Variants in SF3A1 observed in about 807,000 individuals in gnomAD.
SF3A1 encodes splicing factor 3a subunit 1.
Under a neutral mutation model 89.9 loss-of-function variants are expected in SF3A1, and 13 were observed. The ratio of observed to expected loss-of-function variants is 0.14; its 90% CI spans 0.09 to 0.23. The LOEUF (loss-of-function observed/expected upper bound fraction) is 0.23, where lower values mean the gene tolerates loss of function less well. Among genes scored for constraint, SF3A1 ranks in the 10% least tolerant of loss-of-function variants. SF3A1 has a pLI of 1.00. For synonymous variants in SF3A1, 405 were observed against 374.4 expected (o/e 1.08, Z -0.94); for missense variants, 604 against 1,022.1 (o/e 0.59, Z 5.58).
intron 2 of SF3A1, among the ~76,000 whole-genome samples, chr22:30,351,106 C>T (rs1457785671): frequency 1.3e-5 from 2 of 152,218 alleles, no homozygotes; most frequent in African/African-American, 2.4e-5. Flanking sequence ...TGAGACCAGC[C>T]TGGCCAACAC....
rs1333680699 is a variant in SF3A1 at position 30,333,056 on chromosome 22, AG to A, written c.*1537del. The A allele has an allele frequency of 1.3e-5, 2 of 152,214 alleles. No homozygotes were observed. Among genetic ancestry groups the A allele is most frequent in the Non-Finnish European group, 2.9e-5 (2 of 68,034 alleles). The allele number at this position is 152,214 out of a possible 1,614,324, so 9.4% of individuals were successfully genotyped here. Reference sequence around the variant, plus strand: ...AAGCAACCAGTAGTGGGCTCACTTTAGGGACGCAAACCACAAAGCCCACCTC... The same window carrying A: ...AAGCAACCAGTAGTGGGCTCACTTTAGGACGCAAACCACAAAGCCCACCTC... On this transcript the variant is annotated 3_prime_UTR_variant, in exon 16 of 16. Coordinates refer to ENST00000215793, the MANE Select transcript of SF3A1 (RefSeq NM_005877.6).
intron 1 of SF3A1, among the ~76,000 whole-genome samples, chr22:30,355,815 T>TCCCCCCCCCC (rs11451197): frequency 2.0e-4 from 18 of 92,274 alleles, no homozygotes; most frequent in Admixed American, 3.4e-4. Context: ...TCAGTCATGT[T>TCCCCCCCCCC]CCCCCCCCCC....
intron 5 of SF3A1, 84 bp from the exon 6 acceptor site, chr22:30,342,434 A>G (rs1931289142): frequency 2.1e-6 from 3 of 1,428,416 alleles, no homozygotes; most frequent in Admixed American, 4.2e-5. Context: ...CTTTCATCAA[A>G]GTCAGCGCCT....
chr22:30,341,579 C>G, intron 7 of SF3A1, 113 bp downstream of exon 7: 1 of 575,696 alleles, frequency 1.7e-6, no homozygotes, highest in South Asian at 1.9e-5. Context: ...TGTTCAGGAC[C>G]CACGCCTCCT....
rs1470390512 is a variant in SF3A1, at chr22:30,342,321, G to A, written c.756C>T (p.Phe252=). Residue 252 remains phenylalanine, a synonymous_variant, in exon 6 of 16, where the codon TTC becomes TTT. Transcript: ENST00000215793. ...CTTCCTTCTTCCTCTCACGTTCCTGGAATTTGGCCCATTCCACTCGGTAAC... is the reference window on the plus strand; with the variant it reads ...CTTCCTTCTTCCTCTCACGTTCCTGAAATTTGGCCCATTCCACTCGGTAAC... The part of the protein sequence containing the change: ...QVCYRVEWAK[F]QERERKKEEE... 1.9e-6 allele frequency: 3 copies of A among 1,612,766 alleles called. No individual in the cohort carries two copies. The highest frequency in any genetic ancestry group is 1.7e-5 in the Admixed American group (1 of 59,744).
chr22:30,350,328 A>T (rs541299115), intron 2 of SF3A1, among the ~76,000 whole-genome samples: 66 of 151,430 alleles, frequency 4.4e-4, no homozygotes, highest in African/African-American at 1.5e-3. Flanking sequence ...AAAATAAAAA[A>T]AAAATTAGCT....
intron 12 of SF3A1, 53 bp downstream of exon 12, chr22:30,337,637 T>C (rs1931111737): frequency 1.2e-6 from 1 of 857,724 alleles, no homozygotes; most frequent in East Asian, 2.7e-5. Context: ...TGACAGTACT[T>C]GGCCCGTGGT....
chr22:30,340,626 G>A, intron 8 of SF3A1, 69 bp downstream of exon 8: 2 of 995,956 alleles, frequency 2.0e-6, no homozygotes, highest in Non-Finnish European at 3.2e-6. Flanking sequence ...AAAGACGGGT[G>A]TGAGGAACAC....
intron 2 of SF3A1, among the ~76,000 whole-genome samples, chr22:30,351,528 T>C (rs772427464): frequency 7.2e-5 from 11 of 152,176 alleles, no homozygotes; most frequent in Non-Finnish European, 1.6e-4. Flanking sequence ...TGTTTTGTTT[T>C]TTTTGAGACA....
At chr22:30,340,404 G>A in intron 8 of SF3A1, 23 bp from the exon 9 acceptor site, 1 of 1,609,312 alleles carries the variant, frequency 6.2e-7, no homozygotes, top group East Asian at 2.2e-5. Flanking sequence ...AGATGTTTCA[G>A]TAAGAACACT....
rs1477203289 is a variant in SF3A1 at position 30,346,539 on chromosome 22, C to G, written c.186-20G>C. ...CCGTTTCTGGAGGAAGAAAAAACAA[C>G]AAGAATAAACACCACTCCCTTGTGC... On this transcript the variant is annotated intron_variant, in intron 2 of 15. Transcript: ENST00000215793. 2.5e-6 allele frequency: 4 copies of G among 1,612,862 alleles called. No homozygotes were observed. Among genetic ancestry groups the G allele is most frequent in the Middle Eastern group, 1.6e-4 (1 of 6,080 alleles).
rs909788471 is a variant in SF3A1, at chr22:30,354,703, G to A, written c.64-1631C>T. On this transcript the variant is annotated intron_variant, in intron 1 of 15. Coordinates refer to ENST00000215793, the MANE Select transcript of SF3A1 (RefSeq NM_005877.6). ...CTCTTTCCTCAGGAATAGCTACCCA[G>A]TCACCCATGCCAGAAAGTTGGGGGC... 9.8e-5 allele frequency among the ~76,000 whole-genome samples: 15 copies of A among 152,286 alleles called. No homozygotes were observed. The Middle Eastern group carries it at 0.01, about 104-fold the overall frequency.
chr22:30,340,432 G>C (rs766883305), intron 8 of SF3A1, 51 bp from the exon 9 acceptor site: 1 of 1,562,870 alleles, frequency 6.4e-7, no homozygotes, highest in African/African-American at 1.4e-5. Context: ...AGCCACCTGA[G>C]TTAAGAGGGT....
At chr22:30,336,702 G>A (rs939620298) in intron 13 of SF3A1, among the ~76,000 whole-genome samples, 4 of 152,174 alleles carry the variant, frequency 2.6e-5, no homozygotes, top group African/African-American at 9.7e-5. Context: ...TCCTCCAGGT[G>A]TCTAGGGTCC....
At chr22:30,349,490 C>T (rs1931521129) in intron 2 of SF3A1, among the ~76,000 whole-genome samples, 1 of 152,096 alleles carries the variant, frequency 6.6e-6, no homozygotes, top group South Asian at 2.1e-4. Flanking sequence ...CTATGCTGGC[C>T]AGGCTGGTCT....
At chr22:30,349,151 G>T (rs1010737759) in intron 2 of SF3A1, among the ~76,000 whole-genome samples, 2 of 152,236 alleles carry the variant, frequency 1.3e-5, no homozygotes, top group Non-Finnish European at 2.9e-5. Context: ...CCGCTCAGTT[G>T]TGCATTTCTA....
chr22:30,336,687 C>A (rs749515932), intron 13 of SF3A1, among the ~76,000 whole-genome samples: 1 of 152,148 alleles, frequency 6.6e-6, no homozygotes, highest in Non-Finnish European at 1.5e-5. Context: ...ACACCACACA[C>A]AATTTCCTCC....
intron 4 of SF3A1, among the ~76,000 whole-genome samples, chr22:30,344,568 G>C (rs1931361072): frequency 6.6e-6 from 1 of 152,196 alleles, no homozygotes. Flanking sequence ...TGAGGACTAA[G>C]TTAGGTAAAA....
At chr22:30,344,846 G>T in intron 4 of SF3A1, 87 bp downstream of exon 4, 2 of 1,480,222 alleles carry the variant, frequency 1.4e-6, no homozygotes, top group Non-Finnish European at 9.2e-7. Context: ...CGATGTCCTT[G>T]TAGACAGTGA....
Sources: allele counts gnomAD v4.1 joint callset (sites outside exome capture counted in the v4.1 genomes callset), GRCh38; gene constraint gnomAD v4.1.1; transcripts MANE v1.5; gene names NCBI Gene and HGNC (gene_info 2026-07-23, HGNC 2026-07-21).